CCDC7: variants seen among roughly 807,000 people sequenced by gnomAD.
CCDC7 encodes coiled-coil domain containing 7.
CCDC7 carries 183 observed loss-of-function variants against 196.9 expected under a neutral mutation model. That is an observed-to-expected ratio of 0.93 (90% CI 0.82 to 1.05). The LOEUF (loss-of-function observed/expected upper bound fraction) is 1.05. Ranked by LOEUF, CCDC7 falls within the 50% of genes least tolerant of loss-of-function variation. CCDC7 has a pLI of 0.00. For synonymous variants in CCDC7, 525 were observed against 484.6 expected (o/e 1.08, Z -1.10); for missense variants, 1,540 against 1,482.2 (o/e 1.04, Z -0.64).
intron 9 of CCDC7, chr10:32,513,371 A>C (rs1007562878): frequency 3.9e-5 from 6 of 152,100 alleles, no homozygotes; most frequent in African/African-American, 1.4e-4. Flanking sequence ...CCCACCAAGA[A>C]ATGCTTAGGC....
intron 31 of CCDC7, 77 bp downstream of exon 32, chr10:32,814,530 T>A: frequency 9.8e-7 from 1 of 1,023,144 alleles, no homozygotes; most frequent in Non-Finnish European, 1.5e-6. Flanking sequence ...TGTGCATCTT[T>A]AAGGAGAACA....
chr10:32,572,610 A>G (rs529281005), intron 16 of CCDC7, among the ~76,000 whole-genome samples: 1 of 152,188 alleles, frequency 6.6e-6, no homozygotes, highest in African/African-American at 2.4e-5. Flanking sequence ...TGTTTTAAAT[A>G]CTAACTAAAC....
intron 9 of CCDC7, among the ~76,000 whole-genome samples, chr10:32,511,079 C>G (rs2046036473): frequency 6.6e-6 from 1 of 151,782 alleles, no homozygotes; most frequent in Non-Finnish European, 1.5e-5. Flanking sequence ...AGAGTCTCAT[C>G]AAAAGAGATG....
chr10:32,840,430 C>G (rs1057081372), intron 33 of CCDC7, among the ~76,000 whole-genome samples: 1 of 152,018 alleles, frequency 6.6e-6, no homozygotes, highest in Non-Finnish European at 1.5e-5. Flanking sequence ...TGGAAATATA[C>G]AATCCCCCTA....
intron 23 of CCDC7, among the ~76,000 whole-genome samples, chr10:32,693,687 A>G (rs190799244): frequency 2.0e-5 from 3 of 152,306 alleles, no homozygotes; most frequent in Admixed American, 2.0e-4. Context: ...AGCCAGGCAC[A>G]TGGTCTGGAG....
intron 3 of CCDC7, among the ~76,000 whole-genome samples, chr10:32,458,042 C>G (rs895552442): frequency 1.3e-5 from 2 of 151,994 alleles, no homozygotes; most frequent in African/African-American, 4.8e-5. Context: ...TATAATACCA[C>G]TTGTCTGTTT....
intron 18 of CCDC7, among the ~76,000 whole-genome samples, chr10:32,595,099 G>C (rs1051609699): frequency 1.3e-5 from 2 of 152,090 alleles, no homozygotes; most frequent in Non-Finnish European, 2.9e-5. Flanking sequence ...TTTTTCTATT[G>C]ATTGGAATAG....
chr10:32,637,092 T>C (rs2065797493), intron 20 of CCDC7, among the ~76,000 whole-genome samples: 1 of 152,230 alleles, frequency 6.6e-6, no homozygotes. Flanking sequence ...TTTTTTCTTG[T>C]GAATTTGTTT....
chr10:32,574,653 A>C, intron 16 of CCDC7: 2 of 393,986 alleles, frequency 5.1e-6, no homozygotes, highest in East Asian at 6.1e-5. Flanking sequence ...GTTTCACATC[A>C]TGTGCGTTGT....
chr10:32,707,260 A>G (rs2141765371), intron 24 of CCDC7, among the ~76,000 whole-genome samples: 1 of 152,376 alleles, frequency 6.6e-6, no homozygotes, highest in Non-Finnish European at 1.5e-5. Context: ...GTCTTTGAGA[A>G]AATTCAACAG....
intron 28 of CCDC7, among the ~76,000 whole-genome samples, chr10:32,774,332 C>T (rs549344310): frequency 7.2e-4 from 110 of 152,120 alleles, no homozygotes; most frequent in African/African-American, 2.5e-3. Context: ...GTGGTTCAGT[C>T]CTCCCTGCAC....
chr10:32,641,004 T>C (rs1185416356), intron 20 of CCDC7, among the ~76,000 whole-genome samples: 4 of 151,562 alleles, frequency 2.6e-5, no homozygotes, highest in African/African-American at 9.7e-5. Context: ...TAGGTATGGA[T>C]TTTCTGCCGA....
rs1589912998 is a variant in CCDC7 at position 32,562,040 on chromosome 10, A to G, written c.1135-3518A>G. Among the ~76,000 whole-genome samples, 4 of 152,378 alleles carry G rather than the reference A, an allele frequency of 2.6e-5. No homozygotes were observed. The South Asian group carries it at 8.3e-4, about 32-fold the overall frequency. ...ACAAACACCTCTCCGCAAATAAACT[A>G]GAAAATCTAGAAGAAATGGATAAGT... On this transcript the variant is annotated intron_variant, in intron 13 of 41. Coordinates refer to ENST00000639629, the Ensembl canonical transcript of CCDC7.
At chr10:32,788,180 G>A (rs1318462605) in intron 29 of CCDC7, among the ~76,000 whole-genome samples, 2 of 152,180 alleles carry the variant, frequency 1.3e-5, no homozygotes, top group Admixed American at 6.5e-5. Flanking sequence ...CCAGAGCCAG[G>A]TCAGCCCCAG....
chr10:32,739,155 T>G (rs1330259304), intron 28 of CCDC7, among the ~76,000 whole-genome samples: 21 of 152,116 alleles, frequency 1.4e-4, no homozygotes, highest in Admixed American at 1.4e-3. Context: ...TCTCTGAGCA[T>G]CTAGGATCTG....
intron 18 of CCDC7, among the ~76,000 whole-genome samples, chr10:32,589,800 A>G (rs1342937721): frequency 6.6e-6 from 1 of 152,134 alleles, no homozygotes; most frequent in Admixed American, 6.5e-5. Context: ...ATCATTACAT[A>G]ATGCTCCTCT....
chr10:32,657,799 A>G (rs760608806), intron 20 of CCDC7, among the ~76,000 whole-genome samples: 1 of 152,088 alleles, frequency 6.6e-6, no homozygotes, highest in Non-Finnish European at 1.5e-5. Context: ...TTTCTTTTGT[A>G]TTGCATCATC....
chr10:32,476,320 T>C (rs2038960652), intron 8 of CCDC7, among the ~76,000 whole-genome samples: 1 of 152,236 alleles, frequency 6.6e-6, no homozygotes, highest in Admixed American at 6.5e-5. Context: ...TATTAGTCTT[T>C]CTTTTACCTA....
chr10:32,819,125 A>C (rs2089564157), intron 31 of CCDC7, among the ~76,000 whole-genome samples: 1 of 152,232 alleles, frequency 6.6e-6, no homozygotes, highest in Non-Finnish European at 1.5e-5. Flanking sequence ...AAAAATGATA[A>C]AGGGGATATC....
Sources: gnomAD v4.1 joint callset for allele counts (sites outside exome capture counted in the v4.1 genomes callset) on GRCh38, gnomAD v4.1.1 for gene constraint, MANE v1.5 for transcripts, NCBI Gene and HGNC (gene_info 2026-07-23, HGNC 2026-07-21) for gene names.